RHAG: variants seen among roughly 807,000 people sequenced by gnomAD.
RHAG encodes Rh associated glycoprotein, also known as ammonium transporter Rh type A.
A neutral mutation model predicts 42.4 loss-of-function variants in RHAG; 25 were observed. The observed-to-expected ratio is 0.59, with a 90% CI of 0.43 to 0.82. RHAG has a LOEUF of 0.82. Among genes scored for constraint, RHAG ranks in the 40% least tolerant of loss-of-function variants. The pLI is 0.00. For missense variants in RHAG, 483 were observed against 504.6 expected (o/e 0.96, Z 0.41); for synonymous variants, 182 against 177.7 (o/e 1.02, Z -0.19).
chr6:49,626,704 T>G (rs1373332222), intron 1 of RHAG, among the ~76,000 whole-genome samples: 1 of 152,180 alleles, frequency 6.6e-6, no homozygotes, highest in African/African-American at 2.4e-5. Context: ...ACATTTCCCT[T>G]CTGCACTGCC....
Position 49,612,535 on chromosome 6 carries a change from C to G in RHAG, c.808-1G>C. 1 of 1,613,998 alleles carries G rather than the reference C, an allele frequency of 6.2e-7. No homozygotes were observed. The highest frequency in any genetic ancestry group is 8.5e-7 in the Non-Finnish European group (1 of 1,179,936). On this transcript the variant is annotated splice_acceptor_variant, in intron 5 of 9. Transcript: ENST00000371175. LOFTEE classifies it high-confidence loss of function. ...CAAGGGTGGCATTCTGAATGTGAAC[C>G]TGTGTGAGCGGCAGAAACATAAATG... is the stretch of plus-strand genomic sequence containing the variant.
intron 1 of RHAG, among the ~76,000 whole-genome samples, chr6:49,625,375 C>T (rs995914675): frequency 1.3e-5 from 2 of 152,196 alleles, no homozygotes; most frequent in Non-Finnish European, 2.9e-5. Context: ...TCTTTTTAAA[C>T]CTCAACTTTA....
At chr6:49,610,081 C>T (rs1192527997) in intron 7 of RHAG, among the ~76,000 whole-genome samples, 1 of 147,316 alleles carries the variant, frequency 6.8e-6, no homozygotes, top group African/African-American at 2.5e-5. Context: ...GGGTGGGGTA[C>T]AAGGGGAGGG....
rs544957348 is a variant in RHAG, at chr6:49,612,406, C to T, written c.936G>A (p.Lys312=). Residue 312 remains lysine, a synonymous_variant, in exon 6 of 10, where the codon AAG becomes AAA. Transcript: ENST00000371175. ...IAGMVSVLGY[K]FLTPLFTTKL... is the part of the protein sequence containing the mutation. The stretch of plus-strand genomic sequence containing the variant: ...CATCTGCTGTACTTACAGTCAGGAA[C>T]TTGTATCCAAGCACAGAGACCATTC... The T allele has an allele frequency of 1.9e-6, 3 of 1,614,152 alleles. No homozygotes were observed. In the South Asian group the frequency reaches 3.3e-5, roughly 18 times the overall value.
At chr6:49,635,990 G>T (rs961419366) in intron 1 of RHAG, among the ~76,000 whole-genome samples, 3 of 152,056 alleles carry the variant, frequency 2.0e-5, no homozygotes, top group Non-Finnish European at 2.9e-5. Context: ...GGTAGTTATT[G>T]TTATATTAAC....
At position 49,605,809 on chromosome 6, in the gene RHAG, C is replaced by T; in HGVS notation, c.*4G>A. ...TCACCATGTCCATGGAACTGATTGT[C>T]AAGTTATCTCGTCTTAGGGACCTTT... is the stretch of plus-strand genomic sequence containing the variant. On this transcript the variant is annotated 3_prime_UTR_variant, in exon 10 of 10. Coordinates refer to ENST00000371175, the MANE Select transcript of RHAG (RefSeq NM_000324.3). 6.2e-7 allele frequency: 1 copy of T among 1,613,006 alleles called. No individual in the cohort carries two copies. The highest frequency in any genetic ancestry group is 8.5e-7 in the Non-Finnish European group (1 of 1,179,156).
At chr6:49,624,953 CTA>C (rs1462838077) in intron 1 of RHAG, among the ~76,000 whole-genome samples, 1 of 152,124 alleles carries the variant, frequency 6.6e-6, no homozygotes, top group African/African-American at 2.4e-5. Flanking sequence ...AATTTTATCT[CTA>C]TGTGTAAATA....
At chr6:49,625,995 C>T (rs1762836946) in intron 1 of RHAG, among the ~76,000 whole-genome samples, 1 of 151,956 alleles carries the variant, frequency 6.6e-6, no homozygotes, top group Admixed American at 6.6e-5. Flanking sequence ...AAAGAGTGGC[C>T]CCCGTGTTTC....
chr6:49,623,739 A>G (rs1762799848), intron 1 of RHAG, among the ~76,000 whole-genome samples: 1 of 152,226 alleles, frequency 6.6e-6, no homozygotes, highest in Admixed American at 6.5e-5. Context: ...ACAAGGAAGT[A>G]TTGGGCTCAA....
At chr6:49,627,925 G>T in intron 1 of RHAG, among the ~76,000 whole-genome samples, 1 of 152,102 alleles carries the variant, frequency 6.6e-6, no homozygotes, top group East Asian at 1.9e-4. Flanking sequence ...TTCAAGATGA[G>T]ATTTGGTTGG....
At chr6:49,627,520 T>C (rs1762860968) in intron 1 of RHAG, among the ~76,000 whole-genome samples, 1 of 152,204 alleles carries the variant, frequency 6.6e-6, no homozygotes. Context: ...CAACCTCTGC[T>C]TGTTACCCAT....
intron 9 of RHAG, among the ~76,000 whole-genome samples, chr6:49,606,533 A>G (rs955475958): frequency 2.0e-5 from 3 of 152,042 alleles, no homozygotes; most frequent in Non-Finnish European, 4.4e-5. Flanking sequence ...CTTTCTATAA[A>G]TAGGTAGTTC....
At chr6:49,620,007 A>T (rs148846252) in intron 1 of RHAG, among the ~76,000 whole-genome samples, 37 of 152,346 alleles carry the variant, frequency 2.4e-4, no homozygotes, top group African/African-American at 8.9e-4. Context: ...CCAGCCACGA[A>T]AATCTTACCA....
In RHAG at chr6:49,605,488, A is replaced by G; in HGVS notation, c.*325T>C. The G allele has an allele frequency of 2.6e-6, 1 of 381,838 alleles. No homozygotes were observed. 23.7% of individuals were successfully genotyped at this position (381,838 alleles called of 1,614,324 possible). A position where few individuals can be genotyped will look rare whatever the true frequency, so the allele number is the denominator to read the frequency against. On this transcript the variant is annotated 3_prime_UTR_variant, in exon 10 of 10. Coordinates refer to ENST00000371175, the MANE Select transcript of RHAG (RefSeq NM_000324.3). The stretch of plus-strand genomic sequence containing the variant: ...ACATAGTGTCTACATTAAGAAACTG[A>G]CATGTTTACTCTGTATTTACTCACT...
chr6:49,629,348 G>A (rs970968166), intron 1 of RHAG, among the ~76,000 whole-genome samples: 1 of 151,910 alleles, frequency 6.6e-6, no homozygotes, highest in Non-Finnish European at 1.5e-5. Context: ...CAAACCCTGA[G>A]CTAGACACAG....
At chr6:49,612,631 C>T (rs1427697894) in intron 5 of RHAG, 97 bp from the exon 6 acceptor site, 1 of 1,426,210 alleles carries the variant, frequency 7.0e-7, no homozygotes, top group East Asian at 2.3e-5. Flanking sequence ...ACATCACATT[C>T]TTCAGTTGAA....
intron 2 of RHAG, among the ~76,000 whole-genome samples, chr6:49,618,812 C>A (rs145634896): frequency 3.3e-4 from 50 of 152,160 alleles, no homozygotes; most frequent in African/African-American, 1.2e-3. Context: ...TTGTCTTAGT[C>A]TGCTTGGACT....
chr6:49,621,705 A>G (rs1386584686), intron 1 of RHAG, among the ~76,000 whole-genome samples: 2 of 152,228 alleles, frequency 1.3e-5, no homozygotes, highest in Non-Finnish European at 2.9e-5. Context: ...GATCTAGATC[A>G]TAGAATAAAT....
chr6:49,628,745 C>T (rs1157127865), intron 1 of RHAG, among the ~76,000 whole-genome samples: 2 of 150,952 alleles, frequency 1.3e-5, no homozygotes, highest in African/African-American at 2.4e-5. Flanking sequence ...TAAGGTGGCG[C>T]GTCTCGAGTT....
Sources: allele counts gnomAD v4.1 joint callset (sites outside exome capture counted in the v4.1 genomes callset), GRCh38; gene constraint gnomAD v4.1.1; transcripts MANE v1.5; gene names NCBI Gene and HGNC (gene_info 2026-07-23, HGNC 2026-07-21).